Variants in POLE2 observed in about 807,000 individuals in gnomAD.
POLE2 encodes the protein DNA polymerase epsilon subunit 2.
A neutral mutation model predicts 79.4 loss-of-function variants in POLE2; 56 were observed. That is an observed-to-expected ratio of 0.71 (90% CI 0.57 to 0.88). The LOEUF (loss-of-function observed/expected upper bound fraction) is 0.88. Among genes scored for constraint, POLE2 ranks in the 40% least tolerant of loss-of-function variants. The probability of loss-of-function intolerance (pLI) is 0.00; values close to 1 mark genes in which losing one functional copy is unlikely to be tolerated. For synonymous variants in POLE2, 212 were observed against 214.0 expected (o/e 0.99, Z 0.08); for missense variants, 598 against 638.9 (o/e 0.94, Z 0.69).
At chr14:49,684,699 C>T (rs1303428244) in intron 1 of POLE2, 2 of 148,520 alleles carry the variant, frequency 1.3e-5, no homozygotes, top group Non-Finnish European at 3.0e-5. Flanking sequence ...TGGCTGGGCA[C>T]GCGGTGGCTC....
chr14:49,688,074 G>A, intron 1 of POLE2, 62 bp downstream of exon 1: 3 of 1,333,930 alleles, frequency 2.2e-6, no homozygotes, highest in Admixed American at 2.0e-5. Flanking sequence ...TCCCGCTGCC[G>A]CACCAGGCAG....
chr14:49,664,466 A>G (rs1312948447), intron 9 of POLE2, among the ~76,000 whole-genome samples, 160 bp downstream of exon 9: 1 of 152,132 alleles, frequency 6.6e-6, no homozygotes, highest in Non-Finnish European at 1.5e-5. Flanking sequence ...CCCCAAAAAG[A>G]TTTCTATTAG....
chr14:49,656,354 C>CAAAA (rs36046648), intron 10 of POLE2, among the ~76,000 whole-genome samples: 2 of 93,960 alleles, frequency 2.1e-5, no homozygotes, highest in Non-Finnish European at 4.5e-5. Context: ...ACTCTTGTCT[C>CAAAA]AAAAAAAAAA....
At position 49,658,022 on chromosome 14, in the gene POLE2, A is replaced by G. The variant is rs1008048559; in HGVS notation, c.756-2179T>C. On this transcript the variant is annotated intron_variant, in intron 10 of 18. Transcript: ENST00000216367. The stretch of plus-strand genomic sequence containing the variant: ...CCCACACAAAACTGGCCCCAGGGCC[A>G]GAGCTTCTTGCACTACCCTGTACTG... 2.0e-4 allele frequency among the ~76,000 whole-genome samples: 31 copies of G among 151,830 alleles called. No individual in the cohort carries two copies. In the South Asian group the frequency reaches 5.0e-3, roughly 24 times the overall value.
At chr14:49,657,293 A>C (rs960639407) in intron 10 of POLE2, among the ~76,000 whole-genome samples, 1 of 152,162 alleles carries the variant, frequency 6.6e-6, no homozygotes, top group African/African-American at 2.4e-5. Context: ...TTAGATGAAA[A>C]ACACAGGTTA....
chr14:49,647,935 T>G (rs1209733847), intron 17 of POLE2, among the ~76,000 whole-genome samples: 1 of 152,216 alleles, frequency 6.6e-6, no homozygotes, highest in Non-Finnish European at 1.5e-5. Context: ...TAGACAGTCT[T>G]AATGCTAAAA....
rs1566522566 is a variant in POLE2, at chr14:49,646,301, G to GGTTTTTTTT, written c.1565+983_1565+991dup. The stretch of plus-strand genomic sequence containing the variant: ...TGATTTGGTCAGTTGTTTTTTTGTT[G>GGTTTTTTTT]GTTTTTTTTTTTTTTTTTTTTTTTT... On this transcript the variant is annotated intron_variant, in intron 18 of 18. Transcript: ENST00000216367. Among the ~76,000 whole-genome samples, 44 of 90,762 alleles carry GGTTTTTTTT rather than the reference G, an allele frequency of 4.8e-4. 1 individual carries two copies. Among genetic ancestry groups the GGTTTTTTTT allele is most frequent in the Non-Finnish European group, 6.0e-4 (28 of 46,844 alleles). 59.5% of individuals were successfully genotyped at this position (90,762 alleles called of 152,430 possible).
chr14:49,643,746 A>T (rs1232626194), intron 18 of POLE2, 76 bp from the exon 19 acceptor site: 1 of 726,622 alleles, frequency 1.4e-6, no homozygotes, highest in Non-Finnish European at 2.3e-6. Context: ...TAATTTTTTT[A>T]AATAGGTATA....
At chr14:49,662,181 C>A (rs1885143697) in intron 10 of POLE2, among the ~76,000 whole-genome samples, 1 of 152,216 alleles carries the variant, frequency 6.6e-6, no homozygotes, top group Non-Finnish European at 1.5e-5. Context: ...CAGCACCTTT[C>A]CCTCAGTTAC....
chr14:49,647,499 C>G (rs1883872975), intron 17 of POLE2, 139 bp from the exon 18 acceptor site: 1 of 286,606 alleles, frequency 3.5e-6, no homozygotes, highest in Middle Eastern at 1.1e-3. Flanking sequence ...ACTCTCATCA[C>G]CCAGGCTGGA....
intron 9 of POLE2, among the ~76,000 whole-genome samples, chr14:49,664,160 G>A (rs1203223139): frequency 1.3e-5 from 2 of 151,670 alleles, no homozygotes; most frequent in Non-Finnish European, 1.5e-5. Flanking sequence ...ACCAGCCTGG[G>A]CAACATGGTG....
intron 2 of POLE2, among the ~76,000 whole-genome samples, chr14:49,683,027 G>C (rs1048813115): frequency 6.6e-6 from 1 of 151,090 alleles, no homozygotes. Flanking sequence ...CACCTCCACT[G>C]GGGGAAAGGA....
intron 10 of POLE2, among the ~76,000 whole-genome samples, chr14:49,656,480 C>G (rs912910422): frequency 1.3e-5 from 2 of 152,056 alleles, no homozygotes; most frequent in Admixed American, 6.5e-5. Flanking sequence ...TATGTGCTAA[C>G]CATCTGCCCA....
In POLE2 at chr14:49,653,775, C is replaced by G. The variant is rs1429969739; in HGVS notation, c.1211+215G>C. The G allele has an allele frequency of 3.9e-5, 11 of 279,976 alleles. No homozygotes were observed. In the African/African-American group the frequency reaches 1.4e-3, roughly 35 times the overall value. 17.3% of individuals were successfully genotyped at this position (279,976 alleles called of 1,614,324 possible). A position where few individuals can be genotyped will look rare whatever the true frequency, so the allele number is the denominator to read the frequency against. Reference sequence around the variant, plus strand: ...TCAAGTGATCCTCCCATCTCAGCCTCTTCATAGAACCACAGGCGCGTGCCA... The same window carrying G: ...TCAAGTGATCCTCCCATCTCAGCCTGTTCATAGAACCACAGGCGCGTGCCA... On this transcript the variant is annotated intron_variant, in intron 15 of 18. Transcript: ENST00000216367.
intron 2 of POLE2, chr14:49,681,220 G>A (rs148269721): frequency 5.2e-6 from 1 of 190,704 alleles, no homozygotes; most frequent in East Asian, 1.2e-4. Context: ...CCAGTCCCAT[G>A]CTTGTGGTAT....
At chr14:49,675,433 ATTTTTTTTG>A (rs1045885414) in intron 3 of POLE2, among the ~76,000 whole-genome samples, 2 of 150,686 alleles carry the variant, frequency 1.3e-5, no homozygotes, top group Non-Finnish European at 3.0e-5. Flanking sequence ...ACAATTTTTT[ATTTTTTTTG>A]TTTTTGTTTT....
chr14:49,648,973 A>G (rs1300685640), intron 17 of POLE2, among the ~76,000 whole-genome samples: 6 of 151,810 alleles, frequency 4.0e-5, no homozygotes, highest in Admixed American at 2.0e-4. Flanking sequence ...AATTACTCAG[A>G]TGAAACAAAA....
At chr14:49,677,306 G>C (rs377653818) in intron 3 of POLE2, 4 of 543,762 alleles carry the variant, frequency 7.4e-6, no homozygotes, top group Non-Finnish European at 1.0e-5. Context: ...CTGTGGAATG[G>C]AGAGAAAGGC....
intron 2 of POLE2, among the ~76,000 whole-genome samples, chr14:49,683,027 G>A (rs1048813115): frequency 6.6e-6 from 1 of 151,090 alleles, no homozygotes; most frequent in Non-Finnish European, 1.5e-5. Context: ...CACCTCCACT[G>A]GGGGAAAGGA....
Sources: allele counts gnomAD v4.1 joint callset (sites outside exome capture counted in the v4.1 genomes callset), GRCh38; gene constraint gnomAD v4.1.1; transcripts MANE v1.5; gene names NCBI Gene and HGNC (gene_info 2026-07-23, HGNC 2026-07-21).